The following MARCHF11 variants were observed in gnomAD, a reference collection of about 807,000 sequenced individuals.
MARCHF11 encodes membrane associated ring-CH-type finger 11, also known as E3 ubiquitin-protein ligase MARCHF11.
A neutral mutation model predicts 37.3 loss-of-function variants in MARCHF11; 29 were observed. The observed-to-expected ratio is 0.78, with a 90% CI of 0.58 to 1.06. The LOEUF is 1.06. Ranked by LOEUF, MARCHF11 falls within the 50% of genes least tolerant of loss-of-function variation. The pLI is 0.00. For missense variants in MARCHF11, 482 were observed against 533.4 expected (o/e 0.90, Z 0.95); for synonymous variants, 233 against 228.0 (o/e 1.02, Z -0.20).
Position 16,179,196 on chromosome 5 carries a change from C to T in MARCHF11, c.380G>A (p.Gly127Asp). Reference protein sequence around the residue: ...GGPGESEAGAGGERERRGAGD... With the variant: ...GGPGESEAGADGERERRGAGD... ...GGCGCCCCGCCGCTCGCGCTCGCCG[C>T]CCGCGCCGGCCTCAGACTCCCCGGG... The change falls in exon 1 of 4, where the codon GGC becomes GAC. Residue 127 changes from glycine to aspartate, a missense_variant. Gly to Asp is a moderately conservative substitution (Grantham distance 94). Transcript: ENST00000332432. 1 of 1,341,004 alleles carries T rather than the reference C, an allele frequency of 7.5e-7. No individual in the cohort carries two copies. Among genetic ancestry groups the T allele is most frequent in the Non-Finnish European group, 9.5e-7 (1 of 1,054,248 alleles). The allele number at this position is 1,341,004 out of a possible 1,614,324, so 83.1% of individuals were successfully genotyped here. A position where few individuals can be genotyped will look rare whatever the true frequency, so the allele number is the denominator to read the frequency against.
chr5:16,172,212 T>C (rs943287314), intron 2 of MARCHF11, among the ~76,000 whole-genome samples: 1 of 152,198 alleles, frequency 6.6e-6, no homozygotes, highest in Non-Finnish European at 1.5e-5. Context: ...ATTTACATAT[T>C]TTATTCAGCA....
intron 2 of MARCHF11, among the ~76,000 whole-genome samples, chr5:16,173,867 T>C (rs1268534648): frequency 5.9e-5 from 9 of 152,236 alleles, no homozygotes; most frequent in Admixed American, 5.9e-4. Flanking sequence ...AAATAAGGTA[T>C]AAGACAGGTA....
intron 2 of MARCHF11, among the ~76,000 whole-genome samples, chr5:16,174,315 C>A (rs1738320482): frequency 6.6e-6 from 1 of 152,106 alleles, no homozygotes; most frequent in South Asian, 2.1e-4. Context: ...ATTTTAATTA[C>A]CTCAAATGTC....
intron 2 of MARCHF11, among the ~76,000 whole-genome samples, chr5:16,117,286 C>G (rs1237444025): frequency 6.6e-6 from 1 of 152,152 alleles, no homozygotes; most frequent in Non-Finnish European, 1.5e-5. Flanking sequence ...ATTGGCTGTG[C>G]TATAATAGGG....
intron 3 of MARCHF11, among the ~76,000 whole-genome samples, chr5:16,089,521 A>G (rs1339003178): frequency 6.6e-6 from 1 of 150,422 alleles, no homozygotes; most frequent in Non-Finnish European, 1.5e-5. Context: ...TCATTCTTTT[A>G]TTTTTTTCTT....
At chr5:16,177,698 A>G (rs2582666) in intron 2 of MARCHF11, 28 bp downstream of exon 2, 1,111,185 of 1,569,164 alleles carry the variant, frequency 0.71, 398,893 homozygotes, top group East Asian at 0.88. Flanking sequence ...AAATTATTTC[A>G]GGAAAAATAA....
At chr5:16,135,634 T>C (rs995988654) in intron 2 of MARCHF11, among the ~76,000 whole-genome samples, 1 of 152,062 alleles carries the variant, frequency 6.6e-6, no homozygotes, top group Admixed American at 6.6e-5. Context: ...TTTTCAAGTG[T>C]TGATATAGAT....
intron 2 of MARCHF11, among the ~76,000 whole-genome samples, chr5:16,115,007 G>T (rs537137028): frequency 1.1e-4 from 17 of 152,110 alleles, no homozygotes; most frequent in African/African-American, 4.1e-4. Flanking sequence ...TGCACATCGT[G>T]TGTCAGGCTG....
chr5:16,101,149 T>C (rs1031062255), intron 2 of MARCHF11, among the ~76,000 whole-genome samples: 1 of 152,168 alleles, frequency 6.6e-6, no homozygotes, highest in African/African-American at 2.4e-5. Flanking sequence ...CATCTCTCCA[T>C]GTTATCTCCT....
At chr5:16,159,878 T>C (rs1738042248) in intron 2 of MARCHF11, among the ~76,000 whole-genome samples, 1 of 151,956 alleles carries the variant, frequency 6.6e-6, no homozygotes, top group Admixed American at 6.6e-5. Flanking sequence ...CAAGATGGCT[T>C]GCCATTAGTA....
chr5:16,117,254 G>A (rs1173494483), intron 2 of MARCHF11, among the ~76,000 whole-genome samples: 1 of 152,182 alleles, frequency 6.6e-6, no homozygotes, highest in Non-Finnish European at 1.5e-5. Context: ...CTTCGATACA[G>A]AGATAAATAA....
At chr5:16,172,405 G>C (rs529810345) in intron 2 of MARCHF11, among the ~76,000 whole-genome samples, 28 of 152,056 alleles carry the variant, frequency 1.8e-4, no homozygotes, top group Non-Finnish European at 3.8e-4. Context: ...TCTCAGCATT[G>C]TTTTTTAGTT....
intron 2 of MARCHF11, among the ~76,000 whole-genome samples, chr5:16,092,192 GTCTC>G (rs1228723352): frequency 2.0e-5 from 3 of 150,240 alleles, no homozygotes; most frequent in East Asian, 1.9e-4. Flanking sequence ...CTCATTGTCT[GTCTC>G]TCTGTCACTC....
intron 2 of MARCHF11, among the ~76,000 whole-genome samples, chr5:16,156,016 T>TAA: frequency 6.6e-6 from 1 of 151,972 alleles, no homozygotes; most frequent in East Asian, 1.9e-4. Flanking sequence ...ATGTTGAGAT[T>TAA]AGCTTAAAGT....
chr5:16,172,555 A>G (rs1261948881), intron 2 of MARCHF11, among the ~76,000 whole-genome samples: 1 of 152,220 alleles, frequency 6.6e-6, no homozygotes, highest in Non-Finnish European at 1.5e-5. Context: ...ATATGCAGAC[A>G]TTTTTAAGCC....
Position 16,157,686 on chromosome 5 carries a change from C to T in MARCHF11, c.693+20040G>A, listed in dbSNP as rs148025505. 1.2e-3 allele frequency among the ~76,000 whole-genome samples: 181 copies of T among 151,930 alleles called. 2 individuals carry two copies. The highest frequency in any genetic ancestry group is 4.2e-3 in the African/African-American group (175 of 41,504). On this transcript the variant is annotated intron_variant, in intron 2 of 3. Transcript: ENST00000332432. ...CTCACACTGCATACAAAAATCAACT[C>T]AAAATGATTTACAAATTAAACATAA...
At chr5:16,169,723 C>G (rs1738227511) in intron 2 of MARCHF11, among the ~76,000 whole-genome samples, 1 of 152,094 alleles carries the variant, frequency 6.6e-6, no homozygotes, top group African/African-American at 2.4e-5. Flanking sequence ...ATACAGAAAG[C>G]ACAAACCACA....
intron 2 of MARCHF11, among the ~76,000 whole-genome samples, chr5:16,174,772 A>G (rs1357554563): frequency 6.6e-6 from 1 of 152,208 alleles, no homozygotes; most frequent in Non-Finnish European, 1.5e-5. Context: ...CCAAATGCAG[A>G]GACCAGGTCA....
chr5:16,170,298 G>A (rs1738242476), intron 2 of MARCHF11, among the ~76,000 whole-genome samples: 1 of 152,042 alleles, frequency 6.6e-6, no homozygotes, highest in South Asian at 2.1e-4. Flanking sequence ...TCACACATGG[G>A]TAATTCCACA....
Sources: allele counts gnomAD v4.1 joint callset (sites outside exome capture counted in the v4.1 genomes callset), GRCh38; gene constraint gnomAD v4.1.1; transcripts MANE v1.5; gene names NCBI Gene and HGNC (gene_info 2026-07-23, HGNC 2026-07-21).